LRRFIP1: variants seen among roughly 807,000 people sequenced by gnomAD.
LRRFIP1 encodes leucine-rich repeat flightless-interacting protein 1.
In LRRFIP1, 62 loss-of-function variants were observed where a neutral mutation model predicts 104.4. That is an observed-to-expected ratio of 0.59 (90% CI 0.48 to 0.73). LRRFIP1 has a LOEUF of 0.73. Ranked by LOEUF, LRRFIP1 falls within the 30% of genes least tolerant of loss-of-function variation. The pLI, the probability that LRRFIP1 is intolerant of heterozygous loss-of-function variation, is 0.00. For missense variants in LRRFIP1, 796 were observed against 824.5 expected (o/e 0.97, Z 0.42); for synonymous variants, 300 against 299.0 (o/e 1.00, Z -0.03).
intron 1 of LRRFIP1, among the ~76,000 whole-genome samples, chr2:237,665,999 T>TC (rs1300906246): frequency 6.6e-6 from 1 of 152,108 alleles, no homozygotes; most frequent in Admixed American, 6.5e-5. Flanking sequence ...CCCAGGGGCG[T>TC]CCCCCTCGGT....
chr2:237,769,563 G>A (rs541605386), intron 19 of LRRFIP1: 298 of 212,432 alleles, frequency 1.4e-3, no homozygotes, highest in Middle Eastern at 5.8e-3. Flanking sequence ...TGTTCAAAAT[G>A]TTGGTGCTAT....
chr2:237,687,465 G>A (rs907238809), intron 1 of LRRFIP1, among the ~76,000 whole-genome samples: 3 of 151,974 alleles, frequency 2.0e-5, no homozygotes, highest in South Asian at 2.1e-4. Context: ...CTAGCTGGGC[G>A]TGGTGGCGCA....
intron 1 of LRRFIP1, among the ~76,000 whole-genome samples, chr2:237,696,454 C>T (rs2093190956): frequency 6.6e-6 from 1 of 152,210 alleles, no homozygotes. Flanking sequence ...CGGATTTATA[C>T]TCTTAGGTCA....
In LRRFIP1 at chr2:237,711,083, G is replaced by A. The variant is rs988098618; in HGVS notation, c.183+2453G>A. Among the ~76,000 whole-genome samples the A allele has an allele frequency of 7.2e-5, 11 of 152,062 alleles. No individual in the cohort carries two copies. The highest frequency in any genetic ancestry group is 2.7e-4 in the African/African-American group (11 of 41,406). ...ATGAGACCCCTATCTCTTTCAAAAA[G>A]TAAAAAAATAAAAAGTAGTTGCTAC... is the stretch of plus-strand genomic sequence containing the variant. On this transcript the variant is annotated intron_variant, in intron 2 of 23. Transcript: ENST00000308482. This position sits in a 1 kb window ranked among gnomAD's most constrained non-coding sequence, Gnocchi z 4.4.
intron 18 of LRRFIP1, 21 bp from the exon 19 acceptor site, chr2:237,760,043 T>C: frequency 2.5e-6 from 4 of 1,610,632 alleles, no homozygotes; most frequent in South Asian, 2.2e-5. Flanking sequence ...AATATTACGA[T>C]GAGCCTATTT....
chr2:237,720,070 C>T (rs985488172), intron 5 of LRRFIP1, among the ~76,000 whole-genome samples: 2 of 151,710 alleles, frequency 1.3e-5, no homozygotes, highest in East Asian at 3.9e-4. Context: ...TCTCAGCCTC[C>T]CAAGTAGCTG....
At chr2:237,709,947 G>T (rs2093991669) in intron 2 of LRRFIP1, among the ~76,000 whole-genome samples, 1 of 151,598 alleles carries the variant, frequency 6.6e-6, no homozygotes, top group Admixed American at 6.6e-5. Context: ...CCACCTCCCA[G>T]ATTCAAGCGA....
At chr2:237,663,118 A>G (rs1575248718) in intron 1 of LRRFIP1, among the ~76,000 whole-genome samples, 2 of 152,310 alleles carry the variant, frequency 1.3e-5, no homozygotes, top group East Asian at 3.9e-4. Context: ...TTGCCCTTGA[A>G]TTCTTTCCTG....
chr2:237,771,456 C>T (rs118031066), intron 20 of LRRFIP1, among the ~76,000 whole-genome samples: 2,098 of 151,500 alleles, frequency 0.014, 56 homozygotes, highest in East Asian at 0.082. Flanking sequence ...TAAAGTGTAC[C>T]GGAGAATGCA....
At chr2:237,648,535 CTGGTCAACGTAA>C (rs1268808030) in intron 1 of LRRFIP1, among the ~76,000 whole-genome samples, 2 of 151,212 alleles carry the variant, frequency 1.3e-5, no homozygotes, top group Non-Finnish European at 3.0e-5. Flanking sequence ...TGAGACCAGC[CTGGTCAACGTAA>C]TGAGACCCCC....
intron 1 of LRRFIP1, among the ~76,000 whole-genome samples, chr2:237,700,949 C>T (rs1385785513): frequency 2.0e-5 from 3 of 152,130 alleles, no homozygotes; most frequent in Non-Finnish European, 2.9e-5. Context: ...CTTCCAGCTT[C>T]TGTGTAGAAT....
chr2:237,692,164 C>T, intron 1 of LRRFIP1: 1 of 1,009,478 alleles, frequency 9.9e-7, no homozygotes, highest in Non-Finnish European at 1.2e-6. Flanking sequence ...GCGGGGCGGG[C>T]CGTGGGACGG....
chr2:237,774,384 A>G lies in LRRFIP1; in HGVS notation c.1734A>G (p.Ser578=). The change falls in exon 23 of 24, where the codon TCA becomes TCG. Residue 578 remains serine, a synonymous_variant. Coordinates refer to ENST00000308482, the MANE Select transcript of LRRFIP1 (RefSeq NM_001137550.2). ...TAATAAGGTTAGAGAGTCAAGTATC[A>G]CGTTACAAATCAGCGGCTGAAAATG... The part of the protein sequence containing the change: ...QNVIRLESQV[S]RYKSAAENAE... 6.2e-7 allele frequency: 1 copy of G among 1,613,476 alleles called. No homozygotes were observed.
chr2:237,729,591 A>G (rs1184484984), intron 8 of LRRFIP1, among the ~76,000 whole-genome samples: 2 of 152,080 alleles, frequency 1.3e-5, no homozygotes, highest in African/African-American at 4.8e-5. Context: ...ACAGCTTAGA[A>G]TCTCCAGTTG....
chr2:237,772,301 C>A (rs969165006), intron 21 of LRRFIP1, 103 bp downstream of exon 21: 7 of 807,364 alleles, frequency 8.7e-6, no homozygotes, highest in Non-Finnish European at 1.4e-5. Context: ...GCCCTCATTC[C>A]CTCACATCCC....
chr2:237,652,131 C>T (rs1019287189), intron 1 of LRRFIP1, among the ~76,000 whole-genome samples: 18 of 152,222 alleles, frequency 1.2e-4, no homozygotes, highest in South Asian at 2.1e-4. Context: ...AAAGCAGTGG[C>T]GCCCCCACTC....
rs929585859 is a variant in LRRFIP1 at position 237,716,843 on chromosome 2, C to T, written c.202-919C>T. On this transcript the variant is annotated intron_variant, in intron 3 of 23. Transcript: ENST00000308482. The stretch of plus-strand genomic sequence containing the variant: ...TCCCTGATTGAGTGGCAGCAGTAGC[C>T]GTTCTGAATCTGCTTTTCTCATTTT... 2.0e-4 allele frequency among the ~76,000 whole-genome samples: 30 copies of T among 152,138 alleles called. 1 individual carries two copies. The highest frequency in any genetic ancestry group is 5.8e-4 in the African/African-American group (24 of 41,430).
intron 9 of LRRFIP1, 99 bp downstream of exon 9, chr2:237,733,917 C>T: frequency 1.5e-6 from 2 of 1,310,142 alleles, no homozygotes; most frequent in Non-Finnish European, 2.2e-6. Flanking sequence ...TTCCCAGCCC[C>T]CTGGGGGAAG....
At chr2:237,720,638 T>C in intron 5 of LRRFIP1, 134 bp from the exon 6 acceptor site, 1 of 700,918 alleles carries the variant, frequency 1.4e-6, no homozygotes, top group Non-Finnish European at 2.6e-6. Context: ...TCCCCTGAGA[T>C]GTCCAGGGGT....
Sources: gnomAD v4.1 joint callset for allele counts (sites outside exome capture counted in the v4.1 genomes callset) on GRCh38, gnomAD v4.1.1 for gene constraint, Gnocchi (gnomAD v3.1) non-coding constraint, MANE v1.5 for transcripts, NCBI Gene and HGNC (gene_info 2026-07-23, HGNC 2026-07-21) for gene names.